Variants in EIF4E observed in about 807,000 individuals in gnomAD.
EIF4E encodes eIF-4F 25 kDa subunit.
For synonymous variants in EIF4E, 71 were observed against 88.5 expected, an observed-to-expected ratio of 0.80 and a Z score of 1.11; for missense variants, 113 against 265.6, an observed-to-expected ratio of 0.43 and a Z score of 3.99.
chr4:98,909,755 CCTT>C, intron 1 of EIF4E: 1 of 704,152 alleles, frequency 1.4e-6, no homozygotes, highest in South Asian at 1.5e-5. Flanking sequence ...TTTTTTCTTT[CCTT>C]CTTGTTTTGC....
chr4:98,886,062 A>G (rs1687643247), intron 5 of EIF4E, among the ~76,000 whole-genome samples: 1 of 152,124 alleles, frequency 6.6e-6, no homozygotes, highest in African/African-American at 2.4e-5. Flanking sequence ...CTAAGGCAGG[A>G]TGATTGCTTG....
At chr4:98,922,436 G>C (rs1725685723) in intron 1 of EIF4E, among the ~76,000 whole-genome samples, 1 of 151,794 alleles carries the variant, frequency 6.6e-6, no homozygotes, top group Non-Finnish European at 1.5e-5. Context: ...CGTGCCTGTA[G>C]TCCCAGCTAC....
chr4:98,891,126 G>T, intron 3 of EIF4E, 111 bp downstream of exon 3: 1 of 1,158,348 alleles, frequency 8.6e-7, no homozygotes. Context: ...AAAAATAGAT[G>T]AACATTCATT....
intron 2 of EIF4E, among the ~76,000 whole-genome samples, chr4:98,895,993 C>T (rs529891081): frequency 5.3e-5 from 8 of 151,926 alleles, no homozygotes; most frequent in African/African-American, 7.2e-5. Context: ...GTCAAGAGAT[C>T]GAGACCATCC....
intron 2 of EIF4E, among the ~76,000 whole-genome samples, chr4:98,901,200 CT>C (rs559776648): frequency 1.4e-3 from 201 of 142,706 alleles, no homozygotes; most frequent in South Asian, 4.0e-3. Context: ...ACCACTGTCT[CT>C]TTTTTTTTTT....
chr4:98,912,732 AAAG>A lies in EIF4E; in HGVS notation c.19-10753_19-10751del, dbSNP rs1725207195. The stretch of plus-strand genomic sequence containing the variant: ...ATAATTTCCATTTCAATTATTCCTT[AAAG>A]CTTTATAAGAAGTATTTGAAAGGCA... On this transcript the variant is annotated intron_variant, in intron 1 of 6. Coordinates refer to ENST00000450253, the MANE Select transcript of EIF4E (RefSeq NM_001968.5). Among the ~76,000 whole-genome samples the A allele has an allele frequency of 4.6e-5, 7 of 152,360 alleles. No individual in the cohort carries two copies. In the South Asian group the frequency reaches 1.2e-3, roughly 27 times the overall value.
chr4:98,926,199 A>C (rs1002155654), intron 1 of EIF4E: 5 of 152,012 alleles, frequency 3.3e-5, no homozygotes, highest in African/African-American at 1.2e-4. Context: ...TAAAACTGTC[A>C]AAAATAATTC....
At chr4:98,912,963 T>C (rs929114037) in intron 1 of EIF4E, among the ~76,000 whole-genome samples, 2 of 152,220 alleles carry the variant, frequency 1.3e-5, no homozygotes, top group East Asian at 3.9e-4. Flanking sequence ...TCCCAGCATT[T>C]TGGGAGGCCG....
At chr4:98,883,685 G>A (rs1723796220) in intron 6 of EIF4E, among the ~76,000 whole-genome samples, 1 of 151,914 alleles carries the variant, frequency 6.6e-6, no homozygotes, top group Non-Finnish European at 1.5e-5. Context: ...TTACAGGTGT[G>A]AGCCACTGCG....
intron 1 of EIF4E, among the ~76,000 whole-genome samples, chr4:98,924,032 G>A (rs1299561128): frequency 6.6e-6 from 1 of 151,818 alleles, no homozygotes; most frequent in Non-Finnish European, 1.5e-5. Flanking sequence ...CTATGACTAA[G>A]ATGGTGCAAC....
intron 1 of EIF4E, among the ~76,000 whole-genome samples, chr4:98,907,123 GT>G (rs1275959702): frequency 6.6e-6 from 1 of 151,926 alleles, no homozygotes; most frequent in African/African-American, 2.4e-5. Flanking sequence ...CATATGATTT[GT>G]TTTAGAAAGA....
chr4:98,927,790 A>C (rs990417270), intron 1 of EIF4E, among the ~76,000 whole-genome samples: 1 of 152,022 alleles, frequency 6.6e-6, no homozygotes, highest in Non-Finnish European at 1.5e-5. Context: ...AGCTGGTTCC[A>C]GAGTGTGAAA....
rs1553932067 is a variant in EIF4E at position 98,896,498 on chromosome 4, A to AC, written c.126-5167_126-5166insG. 2.0e-5 allele frequency among the ~76,000 whole-genome samples: 3 copies of AC among 148,406 alleles called. No homozygotes were observed. The East Asian group carries it at 5.9e-4, about 29-fold the overall frequency. ...ACCCCGCATCTCTCAAAAAAAAAAA[A>AC]AAAAAAAAAAAACACCTTAGCTAGC... On this transcript the variant is annotated intron_variant, in intron 2 of 6. Transcript: ENST00000450253.
rs747368134 is a variant in EIF4E, at chr4:98,891,224, A to T, written c.221+13T>A. 7 of 1,613,546 alleles carry T rather than the reference A, an allele frequency of 4.3e-6. No homozygotes were observed. The highest frequency in any genetic ancestry group is 1.7e-4 in the Middle Eastern group (1 of 6,060). ...ATAAAACAACAAACATACTAAAACA[A>T]ATGGTTACTTACGCCCAAAAGTCTT... is the stretch of plus-strand genomic sequence containing the variant. On this transcript the variant is annotated intron_variant, in intron 3 of 6. Coordinates refer to ENST00000450253, the MANE Select transcript of EIF4E (RefSeq NM_001968.5).
intron 1 of EIF4E, among the ~76,000 whole-genome samples, chr4:98,908,581 CAGA>C (rs1724979798): frequency 6.6e-6 from 1 of 152,112 alleles, no homozygotes; most frequent in Admixed American, 6.5e-5. Flanking sequence ...AAATAATGAG[CAGA>C]AGGACAGACA....
At chr4:98,923,033 TAG>T (rs1225544252) in intron 1 of EIF4E, among the ~76,000 whole-genome samples, 1 of 151,824 alleles carries the variant, frequency 6.6e-6, no homozygotes, top group Non-Finnish European at 1.5e-5. Flanking sequence ...TTTTGTTAAG[TAG>T]AGACAGGGTT....
Position 98,890,017 on chromosome 4 carries a change from A to ACTCT in EIF4E, c.221+1219_221+1220insAGAG, listed in dbSNP as rs148750373. Among the ~76,000 whole-genome samples the ACTCT allele has an allele frequency of 2.9e-3, 435 of 152,314 alleles. 2 individuals are homozygous for ACTCT. The highest frequency in any genetic ancestry group is 9.6e-3 in the African/African-American group (401 of 41,586). ...ATTATTAAGTGTCAATGCTTTTAAT[A>ACTCT]AAAAATAAATACTCTCAAAGTTTAC... On this transcript the variant is annotated intron_variant, in intron 3 of 6. Transcript: ENST00000450253.
chr4:98,927,168 T>C (rs1313196203), intron 1 of EIF4E, among the ~76,000 whole-genome samples: 1 of 152,054 alleles, frequency 6.6e-6, no homozygotes, highest in Non-Finnish European at 1.5e-5. Flanking sequence ...GTCAGTTAAC[T>C]GTAGCAACAA....
rs1723642754 is a variant in EIF4E at position 98,880,678 on chromosome 4, G to C, written c.*350C>G. The C allele has an allele frequency of 6.7e-6, 1 of 148,580 alleles. No homozygotes were observed. The highest frequency in any genetic ancestry group is 1.4e-5 in the Non-Finnish European group (1 of 69,572). 9.2% of individuals were successfully genotyped at this position (148,580 alleles called of 1,614,324 possible). A position where few individuals can be genotyped will look rare whatever the true frequency, so the allele number is the denominator to read the frequency against. On this transcript the variant is annotated 3_prime_UTR_variant, in exon 7 of 7. Coordinates refer to ENST00000450253, the MANE Select transcript of EIF4E (RefSeq NM_001968.5). ...AGAATTTTTTTTCCTGTAAAGTATA[G>C]AAATGCCAAGTTGTTTTCTGACTAT... is the stretch of plus-strand genomic sequence containing the variant.
Sources: allele counts gnomAD v4.1 joint callset (sites outside exome capture counted in the v4.1 genomes callset), GRCh38; gene constraint gnomAD v4.1.1; transcripts MANE v1.5; gene names NCBI Gene and HGNC (gene_info 2026-07-23, HGNC 2026-07-21).